The following DACH2 variants were observed in gnomAD, a reference collection of about 807,000 sequenced individuals.
DACH2 encodes dachshund family transcription factor 2, also known as dachshund homolog 2.
Under a neutral mutation model 35.8 loss-of-function variants are expected in DACH2, and 17 were observed. The observed-to-expected ratio is 0.48, with a 90% CI of 0.33 to 0.71. The LOEUF is 0.71. Ranked by LOEUF, DACH2 falls within the 30% of genes least tolerant of loss-of-function variation. The probability of loss-of-function intolerance (pLI) is 0.02; values close to 1 mark genes in which losing one functional copy is unlikely to be tolerated. For missense variants in DACH2, 469 were observed against 472.7 expected (o/e 0.99, Z 0.07); for synonymous variants, 195 against 177.3 (o/e 1.10, Z -0.79).
At chrX:86,157,628 G>T (rs373854349) in intron 1 of DACH2, among the ~76,000 whole-genome samples, 2 of 110,849 alleles carry the variant, frequency 1.8e-5, no homozygotes, top group East Asian at 5.7e-4. Context: ...TGTGTTTATG[G>T]GTTTGTATAA....
intron 1 of DACH2, among the ~76,000 whole-genome samples, chrX:86,166,664 A>G (rs1398719844): frequency 9.0e-6 from 1 of 111,180 alleles, no homozygotes; most frequent in Non-Finnish European, 1.9e-5. Context: ...AAAAGCTTTC[A>G]GTTTTTCCCC....
At chrX:86,283,374 A>G (rs1045283517) in intron 1 of DACH2, among the ~76,000 whole-genome samples, 4 of 111,201 alleles carry the variant, frequency 3.6e-5, no homozygotes, top group African/African-American at 1.3e-4. Context: ...CAATCCCATT[A>G]CTGGGTATAT....
intron 7 of DACH2, among the ~76,000 whole-genome samples, chrX:86,765,083 T>C (rs1215757768): frequency 8.9e-6 from 1 of 112,008 alleles, no homozygotes; most frequent in Non-Finnish European, 1.9e-5. Flanking sequence ...TTTTTTTTGT[T>C]TGTTTTTGGC....
chrX:86,581,951 G>C (rs1347148202), intron 3 of DACH2, among the ~76,000 whole-genome samples: 1 of 111,457 alleles, frequency 9.0e-6, no homozygotes, highest in Non-Finnish European at 1.9e-5. Flanking sequence ...CTCTAAAATT[G>C]ACCATAAAAT....
intron 1 of DACH2, among the ~76,000 whole-genome samples, chrX:86,289,878 A>T (rs2034239815): frequency 9.2e-6 from 1 of 109,098 alleles, no homozygotes; most frequent in South Asian, 4.1e-4. Flanking sequence ...GCCACAATAA[A>T]CATACGTGTG....
chrX:86,749,981 C>A (rs1010830285), intron 7 of DACH2, among the ~76,000 whole-genome samples: 4 of 110,537 alleles, frequency 3.6e-5, no homozygotes, highest in African/African-American at 1.3e-4. Flanking sequence ...AGATTCTTTA[C>A]AATTTTTTTC....
chrX:86,433,180 G>A (rs913438947), intron 2 of DACH2, among the ~76,000 whole-genome samples: 3 of 111,785 alleles, frequency 2.7e-5, no homozygotes, highest in East Asian at 2.8e-4. Flanking sequence ...ATGAGCATGT[G>A]TAAAATGCTA....
chrX:86,784,462 TA>T (rs1162761373), intron 7 of DACH2, among the ~76,000 whole-genome samples: 2 of 111,324 alleles, frequency 1.8e-5, no homozygotes, highest in African/African-American at 6.5e-5. Flanking sequence ...TGGCTATCAA[TA>T]AAAAATCAAA....
At chrX:86,830,484 A>G (rs773757056) in intron 11 of DACH2, 1 of 111,743 alleles carries the variant, frequency 8.9e-6, no homozygotes, top group East Asian at 2.8e-4. Flanking sequence ...TTGAGCAGCT[A>G]TGGGAACTAT....
intron 3 of DACH2, among the ~76,000 whole-genome samples, chrX:86,539,827 G>A (rs1288998181): frequency 2.7e-5 from 3 of 111,030 alleles, no homozygotes; most frequent in African/African-American, 9.8e-5. Context: ...CATAGTGTCT[G>A]GCATAGTAAG....
chrX:86,311,460 C>T, intron 1 of DACH2, among the ~76,000 whole-genome samples: 1 of 111,488 alleles, frequency 9.0e-6, no homozygotes, highest in Non-Finnish European at 1.9e-5. Flanking sequence ...AATGCTCTGC[C>T]AGGCTGGGGC....
chrX:86,666,897 C>G lies in DACH2; in HGVS notation c.772+15730C>G, dbSNP rs1232439805. ...CTAGAATAACTACATTTCCTTCATA[C>G]ATGTTAGAAAACACTGAGTTGCTGT... On this transcript the variant is annotated intron_variant, in intron 4 of 11. Coordinates refer to ENST00000373125, the MANE Select transcript of DACH2 (RefSeq NM_053281.3). Among the ~76,000 whole-genome samples the G allele has an allele frequency of 8.2e-5, 9 of 109,987 alleles. No homozygotes were observed. The Admixed American group carries it at 8.8e-4, about 11-fold the overall frequency.
chrX:86,737,543 T>G (rs1239278543), intron 6 of DACH2, among the ~76,000 whole-genome samples: 1 of 111,703 alleles, frequency 9.0e-6, no homozygotes. Context: ...GCATACTACA[T>G]TGATGACCGT....
chrX:86,300,972 T>A (rs1001570438), intron 1 of DACH2, among the ~76,000 whole-genome samples: 8 of 112,215 alleles, frequency 7.1e-5, no homozygotes, highest in African/African-American at 2.6e-4. Flanking sequence ...GTGAACAATG[T>A]AGTATGAAGT....
At chrX:86,177,874 A>G (rs1212891318) in intron 1 of DACH2, among the ~76,000 whole-genome samples, 2 of 111,217 alleles carry the variant, frequency 1.8e-5, no homozygotes, top group Non-Finnish European at 3.8e-5. Context: ...CGATATATGT[A>G]TGCACTAAAC....
chrX:86,435,354 C>A (rs1391238257), intron 2 of DACH2, among the ~76,000 whole-genome samples: 2 of 111,764 alleles, frequency 1.8e-5, no homozygotes, highest in East Asian at 5.6e-4. Context: ...ATATAAAATT[C>A]TTTCAGTAAT....
intron 1 of DACH2, among the ~76,000 whole-genome samples, chrX:86,370,866 T>C (rs1290140217): frequency 9.0e-6 from 1 of 111,503 alleles, no homozygotes; most frequent in Non-Finnish European, 1.9e-5. Flanking sequence ...AGATATTTAA[T>C]GGGCATCATG....
chrX:86,326,299 A>G (rs1177823407), intron 1 of DACH2, among the ~76,000 whole-genome samples: 6 of 109,597 alleles, frequency 5.5e-5, no homozygotes. Context: ...ACATGGTGAA[A>G]CTCCATCTCT....
At chrX:86,441,452 TC>T (rs1281777076) in intron 2 of DACH2, among the ~76,000 whole-genome samples, 1 of 107,151 alleles carries the variant, frequency 9.3e-6, no homozygotes, top group Non-Finnish European at 1.9e-5. Flanking sequence ...GGGATTTTAT[TC>T]TTTTTTATGA....
Sources: allele counts gnomAD v4.1 joint callset (sites outside exome capture counted in the v4.1 genomes callset), GRCh38; gene constraint gnomAD v4.1.1; transcripts MANE v1.5; gene names NCBI Gene and HGNC (gene_info 2026-07-23, HGNC 2026-07-21).